FBXO3: variants seen among roughly 807,000 people sequenced by gnomAD.
The protein encoded by FBXO3 is F-box protein 3.
Under a neutral mutation model 64.8 loss-of-function variants are expected in FBXO3, and 17 were observed. The observed-to-expected ratio is 0.26, with a 90% confidence interval of 0.18 to 0.39. The LOEUF is 0.39. FBXO3 is among the 10% of genes least tolerant of loss of function. FBXO3 has a pLI of 1.00. For missense variants in FBXO3, 420 were observed against 589.9 expected, an observed-to-expected ratio of 0.71 and a Z score of 2.98; for synonymous variants, 182 against 201.6, an observed-to-expected ratio of 0.90 and a Z score of 0.82.
At chr11:33,757,705 T>C (rs1315341819) in intron 4 of FBXO3, among the ~76,000 whole-genome samples, 2 of 121,748 alleles carry the variant, frequency 1.6e-5, no homozygotes, top group Non-Finnish European at 1.7e-5. Context: ...GCATCTGTAA[T>C]CCCAGCACTT....
chr11:33,752,100 A>G (rs4285849), intron 6 of FBXO3, among the ~76,000 whole-genome samples: 148,767 of 152,334 alleles, frequency 0.98, 72,737 homozygotes, highest in East Asian at 1. Flanking sequence ...CAGGGACATG[A>G]CATTGTGGAG....
At chr11:33,751,377 G>A in intron 7 of FBXO3, 146 bp downstream of exon 7, 1 of 570,948 alleles carries the variant, frequency 1.8e-6, no homozygotes, top group South Asian at 2.2e-5. Context: ...ATAAAATAGT[G>A]AGACTGAAGA....
Position 33,774,470 on chromosome 11 carries a change from G to C in FBXO3, c.28C>G (p.Pro10Ala). 1 of 1,587,028 alleles carries C rather than the reference G, an allele frequency of 6.3e-7. No homozygotes were observed. The highest frequency in any genetic ancestry group is 8.6e-7 in the Non-Finnish European group (1 of 1,167,368). The change falls in exon 1 of 11, where the codon CCG becomes GCG. Residue 10 changes from proline to alanine, a missense_variant. Physicochemically the swap from Pro to Ala is conservative, Grantham distance 27. Transcript: ENST00000265651. The stretch of plus-strand genomic sequence containing the variant: ...GTGGGCAGCGACTCTAGGGTCAGCG[G>C]CGCCGTCTCGGTCTCCATGGCCGCC... Reference protein sequence around the residue: MAAMETETAPLTLESLPTDP... With the variant: MAAMETETAALTLESLPTDP...
intron 1 of FBXO3, chr11:33,772,289 T>C (rs532463757): frequency 1.3e-5 from 2 of 152,374 alleles, no homozygotes; most frequent in East Asian, 3.8e-4. Context: ...GATACTTTTC[T>C]GTAGATAAAA....
chr11:33,760,844 G>A (rs535372735), intron 3 of FBXO3, among the ~76,000 whole-genome samples: 1 of 152,286 alleles, frequency 6.6e-6, no homozygotes, highest in East Asian at 1.9e-4. Context: ...CATGTGGAAG[G>A]AAAGTGATCC....
At chr11:33,769,111 TC>T in intron 2 of FBXO3, 97 bp from the exon 3 acceptor site, 1 of 1,009,116 alleles carries the variant, frequency 9.9e-7, no homozygotes, top group Non-Finnish European at 1.4e-6. Context: ...ACTTTTCCCT[TC>T]CTTTTCATTA....
At chr11:33,772,166 A>G (rs1855526752) in intron 1 of FBXO3, 2 of 152,238 alleles carry the variant, frequency 1.3e-5, no homozygotes, top group African/African-American at 4.8e-5. Context: ...TACTAATCCA[A>G]TCCAACCCAA....
chr11:33,743,617 A>G lies in FBXO3; in HGVS notation c.1240-1533T>C, dbSNP rs1854741223. On this transcript the variant is annotated intron_variant, in intron 10 of 10. Coordinates refer to ENST00000265651, the MANE Select transcript of FBXO3 (RefSeq NM_012175.4). The surrounding 1 kb of genome is among the most constrained non-coding windows in gnomAD (Gnocchi z 4.6). ...TCTCCAGCCCCTCTCCCTGTTGTTC[A>G]CTGCACTCCAGCTACACTGGCCTCC... 1 of 152,430 alleles carries G rather than the reference A, an allele frequency of 6.6e-6. No individual in the cohort carries two copies. The highest frequency in any genetic ancestry group is 1.5e-5 in the Non-Finnish European group (1 of 68,154). The allele number at this position is 152,430 out of a possible 1,614,324, so 9.4% of individuals were successfully genotyped here.
intron 4 of FBXO3, among the ~76,000 whole-genome samples, chr11:33,756,365 T>C (rs1313543720): frequency 6.6e-6 from 1 of 152,228 alleles, no homozygotes; most frequent in Non-Finnish European, 1.5e-5. Flanking sequence ...ACCTTTAGCT[T>C]ACCCTATGCA....
chr11:33,757,498 G>A (rs1855129508), intron 4 of FBXO3, among the ~76,000 whole-genome samples: 1 of 123,746 alleles, frequency 8.1e-6, no homozygotes. Context: ...AATAATAAAA[G>A]TTTATAAAAC....
chr11:33,774,036 G>C, intron 1 of FBXO3: 1 of 277,058 alleles, frequency 3.6e-6, no homozygotes, highest in East Asian at 1.5e-4. Context: ...CAGCAGCAGG[G>C]ACTGACCCCA....
In FBXO3 at chr11:33,743,133, C is replaced by T. The variant is rs1854728599; in HGVS notation, c.1240-1049G>A. On this transcript the variant is annotated intron_variant, in intron 10 of 10. Transcript: ENST00000265651. This position sits in a 1 kb window ranked among gnomAD's most constrained non-coding sequence, Gnocchi z 4.6. The stretch of plus-strand genomic sequence containing the variant: ...GCTCAGGGTGTCAAAGACACATGTC[C>T]CAGGAGAGAAAGACAGAACCCTAGG... The T allele has an allele frequency of 6.6e-6, 1 of 152,126 alleles. No homozygotes were observed. Among genetic ancestry groups the T allele is most frequent in the Admixed American group, 6.5e-5 (1 of 15,272 alleles). 9.4% of individuals were successfully genotyped at this position (152,126 alleles called of 1,614,324 possible).
intron 4 of FBXO3, among the ~76,000 whole-genome samples, chr11:33,757,469 T>A (rs370863050): frequency 2.3e-3 from 253 of 110,550 alleles, no homozygotes; most frequent in Admixed American, 3.7e-3. Flanking sequence ...ATAATAATAA[T>A]AAAAAAATAA....
At chr11:33,766,369 C>A (rs1159254808) in intron 3 of FBXO3, among the ~76,000 whole-genome samples, 5 of 152,008 alleles carry the variant, frequency 3.3e-5, no homozygotes, top group African/African-American at 4.8e-5. Flanking sequence ...TGGCCTGCTG[C>A]CTCCTTGAAT....
intron 10 of FBXO3, chr11:33,742,787 AT>A (rs748864814): frequency 6.6e-6 from 1 of 152,140 alleles, no homozygotes; most frequent in Non-Finnish European, 1.5e-5. Context: ...TTTTAAAAAA[AT>A]ATTTTTATTT....
chr11:33,767,728 G>C (rs1855412328), intron 3 of FBXO3: 1 of 152,206 alleles, frequency 6.6e-6, no homozygotes, highest in Non-Finnish European at 1.5e-5. Context: ...GCCTAGCTTT[G>C]TGTTTAATTA....
At chr11:33,766,006 G>T (rs1325801770) in intron 3 of FBXO3, among the ~76,000 whole-genome samples, 1 of 152,126 alleles carries the variant, frequency 6.6e-6, no homozygotes, top group Non-Finnish European at 1.5e-5. Flanking sequence ...AGCAATGCAA[G>T]AATGGACTGA....
At chr11:33,768,529 TA>T (rs912858004) in intron 3 of FBXO3, among the ~76,000 whole-genome samples, 3 of 151,558 alleles carry the variant, frequency 2.0e-5, no homozygotes, top group Non-Finnish European at 4.4e-5. Flanking sequence ...ATTTCACAAT[TA>T]AAAAAAAATC....
intron 6 of FBXO3, 32 bp from the exon 7 acceptor site, chr11:33,751,639 A>C: frequency 1.5e-6 from 2 of 1,333,190 alleles, no homozygotes; most frequent in Non-Finnish European, 2.1e-6. Context: ...AAAAAAGAAA[A>C]GAACAAATAG....
Sources: gnomAD v4.1 joint callset for allele counts (sites outside exome capture counted in the v4.1 genomes callset) on GRCh38, gnomAD v4.1.1 for gene constraint, Gnocchi (gnomAD v3.1) non-coding constraint, MANE v1.5 for transcripts, NCBI Gene and HGNC (gene_info 2026-07-23, HGNC 2026-07-21) for gene names.